The following FANCA variants were observed in gnomAD, a reference collection of about 807,000 sequenced individuals.
The protein encoded by FANCA is FA complementation group A.
FANCA carries 236 observed loss-of-function variants against 194.3 expected under a neutral mutation model. That is an observed-to-expected ratio of 1.21 (90% CI 1.09 to 1.35). The LOEUF (loss-of-function observed/expected upper bound fraction) is 1.35, where lower values mean the gene tolerates loss of function less well. Ranked by LOEUF, FANCA falls within the 40% of genes most tolerant of loss-of-function variation. The probability of loss-of-function intolerance (pLI) is 0.00; values close to 1 mark genes in which losing one functional copy is unlikely to be tolerated. For missense variants in FANCA, 2,628 were observed against 1,813.9 expected (o/e 1.45, Z -8.15); for synonymous variants, 1,014 against 715.8 (o/e 1.42, Z -6.65).
chr16:89,765,400 C>G (rs1038553266), intron 27 of FANCA, among the ~76,000 whole-genome samples: 3 of 152,078 alleles, frequency 2.0e-5, no homozygotes, highest in Admixed American at 6.5e-5. Context: ...GGACCTCAGT[C>G]CAGCCCCTGG....
intron 14 of FANCA, among the ~76,000 whole-genome samples, chr16:89,785,343 C>G (rs2039861813): frequency 6.6e-6 from 1 of 152,190 alleles, no homozygotes; most frequent in South Asian, 2.1e-4. Context: ...GTACAATTTG[C>G]TAAATGCCCT....
chr16:89,741,833 T>C (rs75092208), intron 37 of FANCA, among the ~76,000 whole-genome samples: 2,026 of 152,314 alleles, frequency 0.013, 18 homozygotes, highest in East Asian at 0.059. Context: ...TACTGCAGCA[T>C]GAACACAGAA....
intron 20 of FANCA, among the ~76,000 whole-genome samples, chr16:89,776,567 C>T (rs915422334): frequency 1.3e-5 from 2 of 152,104 alleles, no homozygotes; most frequent in African/African-American, 4.8e-5. Context: ...GTGGATCCCG[C>T]CTGTAATCCC....
intron 15 of FANCA, among the ~76,000 whole-genome samples, chr16:89,783,321 C>G (rs1436674848): frequency 6.6e-6 from 1 of 151,994 alleles, no homozygotes; most frequent in Non-Finnish European, 1.5e-5. Context: ...GAGGCTGAGG[C>G]GGGCAGATCA....
rs776391208 is a variant in FANCA, at chr16:89,749,780, C to A, written c.3189G>T (p.Trp1063Cys). The change falls in exon 32 of 43, where the codon TGG becomes TGT. Residue 1063 changes from tryptophan (W) to cysteine (C), a missense_variant. Physicochemically the swap from Trp to Cys is radical, Grantham distance 215. Coordinates refer to ENST00000389301, the MANE Select transcript of FANCA (RefSeq NM_000135.4). ...GTCTCTGAAGGCTGGCAGCCACGCT[C>A]CACCCGCTTGTCAGAGCCTGGAGCC... ...RRRLQALTSG[W>C]SVAASLQRQR... is the part of the protein sequence containing the mutation. 1 of 1,614,098 alleles carries A rather than the reference C, an allele frequency of 6.2e-7. No homozygotes were observed. The highest frequency in any genetic ancestry group is 8.5e-7 in the Non-Finnish European group (1 of 1,180,054).
chr16:89,746,833 TGAA>T lies in FANCA; in HGVS notation c.3403_3405del (p.Phe1135del), dbSNP rs786204246. ...GAGGGGCTGAGGGAGCATCTCACCC[TGAA>T]GAAGTGGGCAGTGATGTCCTGTGTC... is the stretch of plus-strand genomic sequence containing the variant. On this transcript the variant is annotated inframe_deletion, in exon 34 of 43. Transcript: ENST00000389301. 1.9e-6 allele frequency: 3 copies of T among 1,565,504 alleles called. No individual in the cohort carries two copies. Among genetic ancestry groups the T allele is most frequent in the Non-Finnish European group, 2.6e-6 (3 of 1,153,938 alleles).
chr16:89,742,926 A>AGGG lies in FANCA; in HGVS notation c.3636_3638dup (p.Pro1213dup), dbSNP rs1567598488. 1 of 1,613,988 alleles carries AGGG rather than the reference A, an allele frequency of 6.2e-7. No individual in the cohort carries two copies. Among genetic ancestry groups the AGGG allele is most frequent in the East Asian group, 2.2e-5 (1 of 44,876 alleles). The stretch of plus-strand genomic sequence containing the variant: ...GGTTGGGTGCTGGGGAGGCAGCCTC[A>AGGG]GGGGAGAGGAAACTGGGACAGAGAG... On this transcript the variant is annotated inframe_insertion, in exon 37 of 43. Transcript: ENST00000389301.
intron 28 of FANCA, among the ~76,000 whole-genome samples, chr16:89,764,291 G>C (rs188290873): frequency 2.6e-4 from 40 of 152,184 alleles, no homozygotes; most frequent in Admixed American, 4.6e-4. Context: ...AAGTATAGCA[G>C]GGTTTCTCTG....
intron 27 of FANCA, among the ~76,000 whole-genome samples, chr16:89,765,440 C>A (rs562592623): frequency 6.6e-6 from 1 of 152,266 alleles, no homozygotes; most frequent in African/African-American, 2.4e-5. Flanking sequence ...GCGATCATGG[C>A]TGTGCACAGT....
intron 23 of FANCA, among the ~76,000 whole-genome samples, chr16:89,770,941 C>T (rs1029401394): frequency 1.3e-5 from 2 of 151,976 alleles, no homozygotes; most frequent in African/African-American, 2.4e-5. Context: ...CAGCCTCTGT[C>T]GCATATTCTA....
intron 26 of FANCA, among the ~76,000 whole-genome samples, chr16:89,768,692 AC>A (rs1021479783): frequency 1.3e-5 from 2 of 152,054 alleles, no homozygotes; most frequent in African/African-American, 2.4e-5. Context: ...AAAAAAAAAA[AC>A]AAAACACACA....
In FANCA at chr16:89,773,341, C is replaced by A. The variant is rs555268842; in HGVS notation, c.1944G>T (p.Glu648Asp). Residue 648 changes from glutamate to aspartate, a missense_variant, in exon 22 of 43, where the codon GAG (glutamate) becomes GAT (aspartate). Glu to Asp is a conservative substitution (Grantham distance 45). Coordinates refer to ENST00000389301, the MANE Select transcript of FANCA (RefSeq NM_000135.4). ...GTGCAGCTGTGAGCTGTCCCAGGGGCTCCTCAGCAGAGTTGGGTTCTGCCC... is the reference window on the plus strand; with the variant it reads ...GTGCAGCTGTGAGCTGTCCCAGGGGATCCTCAGCAGAGTTGGGTTCTGCCC... The part of the protein sequence containing the change: ...GVRAEPNSAE[E>D]PLGQLTAALG... 1 of 1,551,586 alleles carries A rather than the reference C, an allele frequency of 6.4e-7. No individual in the cohort carries two copies. Among genetic ancestry groups the A allele is most frequent in the South Asian group, 1.2e-5 (1 of 84,062 alleles).
intron 39 of FANCA, chr16:89,739,784 T>A (rs577860270): frequency 1.4e-6 from 2 of 1,469,222 alleles, no homozygotes; most frequent in African/African-American, 2.8e-5. Flanking sequence ...GCAGTCCCCA[T>A]GATAGGCCCA....
intron 27 of FANCA, among the ~76,000 whole-genome samples, chr16:89,766,744 C>G (rs758739813): frequency 6.6e-6 from 1 of 151,796 alleles, no homozygotes. Flanking sequence ...TTTGTCTGAA[C>G]AATGTAAGGA....
chr16:89,772,416 T>C (rs2039356916), intron 22 of FANCA, among the ~76,000 whole-genome samples: 1 of 152,190 alleles, frequency 6.6e-6, no homozygotes, highest in Admixed American at 6.5e-5. Flanking sequence ...CTAACCAAGC[T>C]GTGTTAACAT....
In FANCA at chr16:89,770,494, G is replaced by A. The variant is rs2039286083; in HGVS notation, c.2222+70C>T. 19 of 1,418,706 alleles carry A rather than the reference G, an allele frequency of 1.3e-5. 1 individual carries two copies. In the South Asian group the frequency reaches 2.1e-4, roughly 16 times the overall value. 87.9% of individuals were successfully genotyped at this position (1,418,706 alleles called of 1,614,324 possible). A position where few individuals can be genotyped will look rare whatever the true frequency, so the allele number is the denominator to read the frequency against. ...AGACGAGCTCATGAGTCCCTGGTCT[G>A]CAGACTTGGCCCAGCAAGAGGTGGC... On this transcript the variant is annotated intron_variant, in intron 24 of 42. Transcript: ENST00000389301.
intron 26 of FANCA, among the ~76,000 whole-genome samples, chr16:89,768,260 A>G (rs937044596): frequency 6.6e-6 from 1 of 152,188 alleles, no homozygotes; most frequent in African/African-American, 2.4e-5. Context: ...AGCAATACCC[A>G]TGTGAAAAAT....
At chr16:89,750,271 G>C (rs980321732) in intron 31 of FANCA, among the ~76,000 whole-genome samples, 1 of 151,350 alleles carries the variant, frequency 6.6e-6, no homozygotes, top group African/African-American at 2.4e-5. Flanking sequence ...CACGAGGTCA[G>C]GAGATGGAGA....
chr16:89,802,357 C>G (rs2040486083), intron 8 of FANCA, among the ~76,000 whole-genome samples: 1 of 151,946 alleles, frequency 6.6e-6, no homozygotes, highest in African/African-American at 2.4e-5. Context: ...CCAGTCTCAG[C>G]CTCCCAAAGT....
Sources: allele counts gnomAD v4.1 joint callset (sites outside exome capture counted in the v4.1 genomes callset), GRCh38; gene constraint gnomAD v4.1.1; transcripts MANE v1.5; gene names NCBI Gene and HGNC (gene_info 2026-07-23, HGNC 2026-07-21).